Variants in CSNK1G1 observed in about 807,000 individuals in gnomAD.
CSNK1G1 encodes casein kinase 1 gamma 1.
A neutral mutation model predicts 59.6 loss-of-function variants in CSNK1G1; 22 were observed. The observed-to-expected ratio is 0.37, with a 90% CI of 0.26 to 0.53. CSNK1G1 has a LOEUF of 0.53. Among genes scored for constraint, CSNK1G1 ranks in the 20% least tolerant of loss-of-function variants. CSNK1G1 has a pLI of 0.89. For synonymous variants in CSNK1G1, 179 were observed against 177.1 expected (o/e 1.01, Z -0.08); for missense variants, 384 against 519.5 (o/e 0.74, Z 2.54).
At chr15:64,346,458 ATTTATTTATTTATTTT>A (rs1456257696) in intron 1 of CSNK1G1, among the ~76,000 whole-genome samples, 1 of 147,220 alleles carries the variant, frequency 6.8e-6, no homozygotes, top group East Asian at 2.0e-4. Flanking sequence ...TTATTTATTT[ATTTATTTATTTATTTT>A]GAGACATAGG....
intron 4 of CSNK1G1, among the ~76,000 whole-genome samples, chr15:64,249,823 A>C (rs1018946604): frequency 6.6e-6 from 1 of 152,220 alleles, no homozygotes; most frequent in Non-Finnish European, 1.5e-5. Context: ...CACAGATGTT[A>C]TTCCTACCTA....
rs1170075981 is a variant in CSNK1G1 at position 64,222,437 on chromosome 15, C to CAA, written c.293-5726_293-5725dup. Among the ~76,000 whole-genome samples, 272 of 68,780 alleles carry CAA rather than the reference C, an allele frequency of 4.0e-3. 16 individuals carry two copies. Among genetic ancestry groups the CAA allele is most frequent in the East Asian group, 5.3e-3 (14 of 2,618 alleles). The allele number at this position is 68,780 out of a possible 152,430, so 45.1% of individuals were successfully genotyped here. A position where few individuals can be genotyped will look rare whatever the true frequency, so the allele number is the denominator to read the frequency against. ...AAAGAAATAACAACAACAACACCAC[C>CAA]AAAAAAAAAAAAAAAAAAAAAAGAG... is the stretch of plus-strand genomic sequence containing the variant. On this transcript the variant is annotated intron_variant, in intron 4 of 11. Coordinates refer to ENST00000303052, the MANE Select transcript of CSNK1G1 (RefSeq NM_022048.5).
intron 4 of CSNK1G1, among the ~76,000 whole-genome samples, chr15:64,251,032 T>C (rs1027292481): frequency 2.0e-5 from 3 of 152,320 alleles, no homozygotes; most frequent in Admixed American, 6.5e-5. Context: ...CCGAAGGTCA[T>C]AGGTTATTAC....
chr15:64,251,298 G>A (rs1566919966), intron 4 of CSNK1G1: 3 of 439,734 alleles, frequency 6.8e-6, no homozygotes, highest in Non-Finnish European at 1.2e-5. Flanking sequence ...TTGGTCTGTG[G>A]GCATAGTCAT....
intron 2 of CSNK1G1, among the ~76,000 whole-genome samples, chr15:64,269,226 C>G (rs889386270): frequency 4.6e-5 from 7 of 152,172 alleles, no homozygotes; most frequent in African/African-American, 7.2e-5. Context: ...CACTCCTCCT[C>G]AACTTTTTGA....
At chr15:64,276,500 C>T (rs755475645) in intron 2 of CSNK1G1, among the ~76,000 whole-genome samples, 7 of 151,772 alleles carry the variant, frequency 4.6e-5, no homozygotes, top group Non-Finnish European at 8.8e-5. Context: ...TCAGAACAGA[C>T]GGATCATTTA....
intron 10 of CSNK1G1, among the ~76,000 whole-genome samples, chr15:64,199,652 C>A (rs1037928202): frequency 1.3e-5 from 2 of 152,036 alleles, no homozygotes; most frequent in Non-Finnish European, 2.9e-5. Flanking sequence ...CTCAGGAGTT[C>A]GCAACCAGCC....
At chr15:64,182,053 GTTTTTTTTTTTTTTT>G in intron 10 of CSNK1G1, 1 of 83,238 alleles carries the variant, frequency 1.2e-5, no homozygotes, top group East Asian at 2.8e-4. Context: ...TTAGTAACCC[GTTTTTTTTTTTTTTT>G]TTTTTTTTTT....
intron 2 of CSNK1G1, among the ~76,000 whole-genome samples, chr15:64,262,188 A>G (rs1892731540): frequency 6.6e-6 from 1 of 152,192 alleles, no homozygotes. Flanking sequence ...AAGATGAGCA[A>G]CCTCAGTTCT....
intron 1 of CSNK1G1, among the ~76,000 whole-genome samples, chr15:64,339,201 A>T (rs1897560462): frequency 2.0e-5 from 3 of 152,220 alleles, no homozygotes; most frequent in Admixed American, 2.0e-4. Context: ...CAGCATGAAC[A>T]TCATCTGCAA....
intron 1 of CSNK1G1, among the ~76,000 whole-genome samples, chr15:64,319,912 C>G (rs1896468343): frequency 7.4e-6 from 1 of 135,432 alleles, no homozygotes; most frequent in African/African-American, 2.7e-5. Context: ...CTAAGTAGAT[C>G]AGGGCTTTTT....
chr15:64,217,673 G>A (rs2082329915), intron 4 of CSNK1G1, among the ~76,000 whole-genome samples: 2 of 151,990 alleles, frequency 1.3e-5, no homozygotes, highest in African/African-American at 4.8e-5. Context: ...AAAATTAGCT[G>A]GGCATGGTGG....
intron 1 of CSNK1G1, among the ~76,000 whole-genome samples, chr15:64,330,356 C>T (rs1165036855): frequency 1.3e-5 from 2 of 150,370 alleles, no homozygotes; most frequent in Non-Finnish European, 3.0e-5. Context: ...CCCTGGGATG[C>T]AAGGCTGGTT....
intron 3 of CSNK1G1, among the ~76,000 whole-genome samples, chr15:64,255,211 A>G (rs11071788): frequency 0.2 from 29,716 of 151,970 alleles, 4,064 homozygotes; most frequent in African/African-American, 0.39. Context: ...CAAGTAGCTG[A>G]GACTACAGAT....
rs185459469 is a variant in CSNK1G1 at position 64,332,724 on chromosome 15, A to T, written c.-225+23264T>A. On this transcript the variant is annotated intron_variant, in intron 1 of 11. Transcript: ENST00000303052. ...AAAAACCCAAATCACAAAACAATTTAAAAAAAAACAAAAACAAAAAAAAAG... is the reference window on the plus strand; with the variant it reads ...AAAAACCCAAATCACAAAACAATTTTAAAAAAAACAAAAACAAAAAAAAAG... 7.2e-3 allele frequency among the ~76,000 whole-genome samples: 1,066 copies of T among 148,358 alleles called. 18 individuals carry two copies. The highest frequency in any genetic ancestry group is 0.025 in the African/African-American group (1,016 of 40,208).
rs139322830 is a variant in CSNK1G1, at chr15:64,191,935, T to C, written c.1107+11147A>G. ...AGAGCTTGGACCGGTATCTAGAGGATAACATAGTAGAAAGGGCCATTTGCA... is the reference window on the plus strand; with the variant it reads ...AGAGCTTGGACCGGTATCTAGAGGACAACATAGTAGAAAGGGCCATTTGCA... On this transcript the variant is annotated intron_variant, in intron 10 of 11. Transcript: ENST00000303052. 4.9e-3 allele frequency among the ~76,000 whole-genome samples: 753 copies of C among 152,316 alleles called. 5 individuals are homozygous for C. The highest frequency in any genetic ancestry group is 0.014 in the Middle Eastern group (4 of 292).
intron 6 of CSNK1G1, among the ~76,000 whole-genome samples, chr15:64,208,019 G>A (rs1396374896): frequency 6.6e-6 from 1 of 152,184 alleles, no homozygotes; most frequent in Non-Finnish European, 1.5e-5. Context: ...ATTCTGGCTA[G>A]GCCTGCAAAG....
Position 64,210,915 on chromosome 15 carries a change from G to A in CSNK1G1, c.679+2975C>T, listed in dbSNP as rs1331571357. Among the ~76,000 whole-genome samples, 3 of 152,124 alleles carry A rather than the reference G, an allele frequency of 2.0e-5. No individual in the cohort carries two copies. Among genetic ancestry groups the A allele is most frequent in the Non-Finnish European group, 1.5e-5 (1 of 68,028 alleles). Reference sequence around the variant, plus strand: ...GGATGAGTTCCCAAGAAAGCAGGTTGGTGAGAAGAGCCTAGCACCCCCCTT... The same window carrying A: ...GGATGAGTTCCCAAGAAAGCAGGTTAGTGAGAAGAGCCTAGCACCCCCCTT... On this transcript the variant is annotated intron_variant, in intron 6 of 11. Transcript: ENST00000303052. The surrounding 1 kb of genome is among the most constrained non-coding windows in gnomAD (Gnocchi z 4.2).
chr15:64,293,083 A>C (rs1428371388), intron 2 of CSNK1G1, among the ~76,000 whole-genome samples: 2 of 152,178 alleles, frequency 1.3e-5, no homozygotes, highest in Non-Finnish European at 2.9e-5. Flanking sequence ...GGCCTGATTC[A>C]GCAGAAGGCT....
Sources: gnomAD v4.1 joint callset for allele counts (sites outside exome capture counted in the v4.1 genomes callset) on GRCh38, gnomAD v4.1.1 for gene constraint, Gnocchi (gnomAD v3.1) non-coding constraint, MANE v1.5 for transcripts, NCBI Gene and HGNC (gene_info 2026-07-23, HGNC 2026-07-21) for gene names.